The following INVS variants were observed in gnomAD, a reference collection of about 807,000 sequenced individuals.
INVS encodes inversion of embryo turning homolog.
Under a neutral mutation model 108.8 loss-of-function variants are expected in INVS, and 86 were observed. The ratio of observed to expected loss-of-function variants is 0.79; its 90% CI spans 0.66 to 0.95. INVS has a LOEUF of 0.95. Among genes scored for constraint, INVS ranks in the 40% least tolerant of loss-of-function variants. The probability of loss-of-function intolerance (pLI) is 0.00; values close to 1 mark genes in which losing one functional copy is unlikely to be tolerated. For synonymous variants in INVS, 455 were observed against 473.5 expected, an observed-to-expected ratio of 0.96 and a Z score of 0.51; for missense variants, 1,169 against 1,297.4, an observed-to-expected ratio of 0.90 and a Z score of 1.52.
At chr9:100,233,789 T>C (rs1283030654) in intron 5 of INVS, among the ~76,000 whole-genome samples, 1 of 152,198 alleles carries the variant, frequency 6.6e-6, no homozygotes, top group Non-Finnish European at 1.5e-5. Context: ...TTATTGAGGA[T>C]TTTCGCATTG....
chr9:100,265,950 A>C (rs1564183362), intron 11 of INVS, among the ~76,000 whole-genome samples: 2 of 152,188 alleles, frequency 1.3e-5, no homozygotes, highest in Admixed American at 6.5e-5. Context: ...ATGGTGGTAC[A>C]TGCCTGTAAT....
chr9:100,226,008 A>T, intron 3 of INVS, 54 bp from the exon 4 acceptor site: 1 of 1,337,348 alleles, frequency 7.5e-7, no homozygotes, highest in Non-Finnish European at 1.0e-6. Context: ...AAATTAAAAA[A>T]AATTTTGACC....
chr9:100,241,053 G>C (rs1334531809), intron 6 of INVS, among the ~76,000 whole-genome samples: 1 of 152,050 alleles, frequency 6.6e-6, no homozygotes, highest in Non-Finnish European at 1.5e-5. Flanking sequence ...ATTTAGCACA[G>C]ATACTCATCA....
intron 10 of INVS, among the ~76,000 whole-genome samples, chr9:100,258,275 TA>T (rs1270039835): frequency 1.3e-5 from 2 of 152,220 alleles, no homozygotes; most frequent in African/African-American, 4.8e-5. Context: ...AGGTCGTTTC[TA>T]TGCTTTTTAT....
At chr9:100,218,981 A>C (rs573375964) in intron 3 of INVS, among the ~76,000 whole-genome samples, 3 of 152,226 alleles carry the variant, frequency 2.0e-5, no homozygotes, top group Admixed American at 6.5e-5. Flanking sequence ...CAAACAAATG[A>C]AAAACAAAAA....
chr9:100,256,379 T>C (rs553598192), intron 10 of INVS, among the ~76,000 whole-genome samples: 12 of 152,316 alleles, frequency 7.9e-5, no homozygotes, highest in African/African-American at 2.6e-4. Context: ...CCTGGATTCA[T>C]TGATTTTTTG....
At chr9:100,191,856 T>C (rs1830231995) in intron 3 of INVS, among the ~76,000 whole-genome samples, 3 of 152,218 alleles carry the variant, frequency 2.0e-5, no homozygotes, top group African/African-American at 2.4e-5. Flanking sequence ...CTGTGTTTTT[T>C]AATTTTTTTA....
intron 3 of INVS, among the ~76,000 whole-genome samples, chr9:100,145,661 G>C (rs548201914): frequency 7.2e-5 from 11 of 152,196 alleles, no homozygotes; most frequent in Admixed American, 4.6e-4. Flanking sequence ...AGCAGTACTT[G>C]CTGCTAAGGG....
At chr9:100,202,786 T>C (rs1302034868) in intron 3 of INVS, among the ~76,000 whole-genome samples, 1 of 152,232 alleles carries the variant, frequency 6.6e-6, no homozygotes, top group African/African-American at 2.4e-5. Context: ...TACTAAGCAG[T>C]CTCATTCATA....
At chr9:100,146,095 T>G (rs943889627) in intron 3 of INVS, among the ~76,000 whole-genome samples, 3 of 152,032 alleles carry the variant, frequency 2.0e-5, no homozygotes, top group Admixed American at 2.0e-4. Context: ...GTCCCCCCGA[T>G]CCGAGTCACA....
chr9:100,141,237 T>C (rs1055792000), intron 3 of INVS, among the ~76,000 whole-genome samples: 1 of 152,144 alleles, frequency 6.6e-6, no homozygotes, highest in African/African-American at 2.4e-5. Context: ...TACAGGAGCT[T>C]AAATGAGCTG....
chr9:100,291,991 C>G (rs1431148001), intron 13 of INVS, among the ~76,000 whole-genome samples: 2 of 152,202 alleles, frequency 1.3e-5, no homozygotes, highest in African/African-American at 4.8e-5. Flanking sequence ...CCACCATTAC[C>G]TGCCTAGACA....
Position 100,296,938 on chromosome 9 carries a change from G to T in INVS, c.2808G>T (p.Leu936=), listed in dbSNP as rs2118781641. The part of the protein sequence containing the change: ...AWRSYQLRKH[L]SHLRHMKQLG... ...CCAGCTACCAGCTCAGGAAGCACCT[G>T]TCCCACCTTCGGCATATGAAGCAGC... The change falls in exon 15 of 17, where the codon CTG becomes CTT. Residue 936 remains leucine (L), a synonymous_variant. Coordinates refer to ENST00000262457, the MANE Select transcript of INVS (RefSeq NM_014425.5). 6.2e-7 allele frequency: 1 copy of T among 1,614,084 alleles called. No individual in the cohort carries two copies. Among genetic ancestry groups the T allele is most frequent in the Non-Finnish European group, 8.5e-7 (1 of 1,179,984 alleles).
chr9:100,135,247 T>C (rs1828188023), intron 3 of INVS, among the ~76,000 whole-genome samples: 1 of 152,176 alleles, frequency 6.6e-6, no homozygotes, highest in African/African-American at 2.4e-5. Context: ...CCAAGAATGG[T>C]TCCTGACCTA....
At chr9:100,138,418 T>TTATATA (rs35768916) in intron 3 of INVS, among the ~76,000 whole-genome samples, 1 of 150,616 alleles carries the variant, frequency 6.6e-6, no homozygotes, top group African/African-American at 2.4e-5. Context: ...AAAAAAAATT[T>TTATATA]TATATATATA....
chr9:100,193,296 T>C (rs564371525), intron 3 of INVS, among the ~76,000 whole-genome samples: 1 of 152,172 alleles, frequency 6.6e-6, no homozygotes, highest in African/African-American at 2.4e-5. Flanking sequence ...ATATTTTGAT[T>C]GATTTTTTAA....
At chr9:100,298,926 T>C (rs1480927897) in intron 16 of INVS, among the ~76,000 whole-genome samples, 1 of 152,182 alleles carries the variant, frequency 6.6e-6, no homozygotes, top group South Asian at 2.1e-4. Context: ...AATTAAAGAA[T>C]CATTTCAAAA....
intron 3 of INVS, chr9:100,129,724 C>A: frequency 1.4e-6 from 1 of 708,808 alleles, no homozygotes; most frequent in Non-Finnish European, 2.6e-6. Flanking sequence ...TACAATCATT[C>A]AAAGAAGAGA....
At chr9:100,245,121 C>T (rs1288614067) in intron 7 of INVS, among the ~76,000 whole-genome samples, 3 of 152,134 alleles carry the variant, frequency 2.0e-5, no homozygotes, top group African/African-American at 7.2e-5. Flanking sequence ...ACTCTTTTAC[C>T]TCCATTCAAT....
Sources: allele counts gnomAD v4.1 joint callset (sites outside exome capture counted in the v4.1 genomes callset), GRCh38; gene constraint gnomAD v4.1.1; transcripts MANE v1.5; gene names NCBI Gene and HGNC (gene_info 2026-07-23, HGNC 2026-07-21).